The following CSMD1 variants were observed in gnomAD, a reference collection of about 807,000 sequenced individuals.
CSMD1 encodes the protein CUB and Sushi multiple domains 1.
A neutral mutation model predicts 417.5 loss-of-function variants in CSMD1; 213 were observed. That is an observed-to-expected ratio of 0.51 (90% confidence interval 0.46 to 0.57). CSMD1 has a LOEUF of 0.57. Among genes scored for constraint, CSMD1 ranks in the 20% least tolerant of loss-of-function variants. CSMD1 has a pLI of 0.00. For synonymous variants in CSMD1, 2,862 were observed against 1,736.8 expected (o/e 1.65, Z -16.11); for missense variants, 6,923 against 4,529.7 (o/e 1.53, Z -15.17).
In CSMD1 at chr8:4,236,039, G is replaced by GTT. The variant is rs869245155; in HGVS notation, c.415+183912_415+183913dup. Reference sequence around the variant, plus strand: ...TTAATGGATATTGTTTTTTTTGTTTGTTTTTTTTTTTTTTTTTTTTTTTTT... The same window carrying GTT: ...TTAATGGATATTGTTTTTTTTGTTTGTTTTTTTTTTTTTTTTTTTTTTTTTTT... On this transcript the variant is annotated intron_variant, in intron 3 of 69. Transcript: ENST00000635120. Among the ~76,000 whole-genome samples the GTT allele has an allele frequency of 1.9e-3, 59 of 31,636 alleles. 1 individual carries two copies. The highest frequency in any genetic ancestry group is 3.6e-3 in the African/African-American group (52 of 14,500). The allele number at this position is 31,636 out of a possible 152,430, so 20.8% of individuals were successfully genotyped here. A position where few individuals can be genotyped will look rare whatever the true frequency, so the allele number is the denominator to read the frequency against.
intron 5 of CSMD1, among the ~76,000 whole-genome samples, chr8:3,835,320 A>G (rs1344452273): frequency 3.9e-5 from 6 of 152,138 alleles, no homozygotes; most frequent in South Asian, 4.1e-4. Context: ...AACCATCCCA[A>G]ATGTCCAACA....
At chr8:4,457,516 C>A (rs186981293) in intron 2 of CSMD1, among the ~76,000 whole-genome samples, 3 of 152,122 alleles carry the variant, frequency 2.0e-5, no homozygotes, top group Non-Finnish European at 2.9e-5. Context: ...TCTGGACATA[C>A]CCATGTAATT....
chr8:3,448,382 A>AAG (rs565979166), intron 12 of CSMD1, among the ~76,000 whole-genome samples: 10 of 33,634 alleles, frequency 3.0e-4, no homozygotes, highest in African/African-American at 3.8e-4. Context: ...AGGGAGGGGG[A>AAG]GGAGGGAGGA....
rs142250558 is a variant in CSMD1 at position 4,547,971 on chromosome 8, A to C, written c.302+89371T>G. Among the ~76,000 whole-genome samples, 209 of 152,318 alleles carry C rather than the reference A, an allele frequency of 1.4e-3. 1 individual carries two copies. Among genetic ancestry groups the C allele is most frequent in the African/African-American group, 4.7e-3 (194 of 41,572 alleles). The stretch of plus-strand genomic sequence containing the variant: ...AAACAAAAGAAGGGTAATTACATTT[A>C]TTGAGCAAATGTAGGCCAGGCACTC... On this transcript the variant is annotated intron_variant, in intron 2 of 69. Transcript: ENST00000635120.
At chr8:3,643,944 T>G (rs1797443276) in intron 7 of CSMD1, among the ~76,000 whole-genome samples, 1 of 152,192 alleles carries the variant, frequency 6.6e-6, no homozygotes, top group African/African-American at 2.4e-5. Flanking sequence ...TTTAGTTGGA[T>G]GAAATGTGGT....
At chr8:3,516,653 T>C in intron 10 of CSMD1, among the ~76,000 whole-genome samples, 1 of 152,302 alleles carries the variant, frequency 6.6e-6, no homozygotes, top group East Asian at 1.9e-4. Context: ...TATTGTGTTT[T>C]TCTATAATGT....
chr8:4,783,296 A>C (rs1161798169), intron 1 of CSMD1, among the ~76,000 whole-genome samples: 1 of 152,166 alleles, frequency 6.6e-6, no homozygotes, highest in Non-Finnish European at 1.5e-5. Flanking sequence ...AAACCACACA[A>C]GGTAAAACTG....
chr8:4,592,652 G>C (rs967635845), intron 2 of CSMD1, among the ~76,000 whole-genome samples: 5 of 152,140 alleles, frequency 3.3e-5, no homozygotes, highest in African/African-American at 1.2e-4. Flanking sequence ...CTCCCAAAGT[G>C]CTAGGATTAC....
At chr8:4,475,502 G>A (rs1800751297) in intron 2 of CSMD1, among the ~76,000 whole-genome samples, 1 of 152,084 alleles carries the variant, frequency 6.6e-6, no homozygotes, top group African/African-American at 2.4e-5. Flanking sequence ...GTGTTTTTTA[G>A]AGAAAAACAT....
chr8:4,192,925 G>T (rs140005168), intron 3 of CSMD1, among the ~76,000 whole-genome samples: 165 of 152,252 alleles, frequency 1.1e-3, no homozygotes, highest in African/African-American at 3.5e-3. Context: ...CTTTACCTAA[G>T]AGTATTTTCT....
At chr8:4,829,003 AATT>A (rs919249056) in intron 1 of CSMD1, among the ~76,000 whole-genome samples, 9 of 152,282 alleles carry the variant, frequency 5.9e-5, no homozygotes, top group South Asian at 2.1e-4. Flanking sequence ...AAACTGCACT[AATT>A]ATTATTATTA....
intron 1 of CSMD1, among the ~76,000 whole-genome samples, chr8:4,886,116 G>A (rs1167879202): frequency 6.6e-6 from 1 of 152,018 alleles, no homozygotes; most frequent in African/African-American, 2.4e-5. Flanking sequence ...TCAGCCTCCT[G>A]AGTAGCTGAG....
intron 7 of CSMD1, among the ~76,000 whole-genome samples, chr8:3,682,615 A>G (rs1285297343): frequency 6.6e-6 from 1 of 152,234 alleles, no homozygotes; most frequent in Non-Finnish European, 1.5e-5. Flanking sequence ...TAGTTCAACC[A>G]TTGTGGAAGA....
chr8:3,575,077 A>T lies in CSMD1; in HGVS notation c.1223-11T>A, dbSNP rs951638195. ...ATCCACATGTTCTCGCTGGAAACAC[A>T]TAGAAACGACGTTATTTTCTACAAC... On this transcript the variant is annotated splice_polypyrimidine_tract_variant and intron_variant, in intron 9 of 69. Transcript: ENST00000635120. 1 of 1,611,992 alleles carries T rather than the reference A, an allele frequency of 6.2e-7. No individual in the cohort carries two copies. The highest frequency in any genetic ancestry group is 1.3e-5 in the African/African-American group (1 of 74,824).
chr8:4,645,597 G>C (rs971048869), intron 1 of CSMD1, among the ~76,000 whole-genome samples: 1 of 152,082 alleles, frequency 6.6e-6, no homozygotes, highest in Non-Finnish European at 1.5e-5. Flanking sequence ...GGGATGACGA[G>C]GCTGCCCATT....
At chr8:4,371,350 C>T (rs778671850) in intron 3 of CSMD1, among the ~76,000 whole-genome samples, 1 of 151,974 alleles carries the variant, frequency 6.6e-6, no homozygotes, top group Non-Finnish European at 1.5e-5. Context: ...GTTTTAAATG[C>T]AGGGTTTTGA....
chr8:3,072,539 C>T (rs977364932), intron 49 of CSMD1, among the ~76,000 whole-genome samples: 1 of 152,148 alleles, frequency 6.6e-6, no homozygotes, highest in Non-Finnish European at 1.5e-5. Context: ...CTTGGAAGAG[C>T]ACAGTTCTTG....
At chr8:4,802,419 G>C (rs1028462822) in intron 1 of CSMD1, among the ~76,000 whole-genome samples, 2 of 151,676 alleles carry the variant, frequency 1.3e-5, no homozygotes, top group Non-Finnish European at 1.5e-5. Flanking sequence ...CTTAACTTTG[G>C]GAATTAACCT....
At chr8:4,633,123 G>C (rs1438074386) in intron 2 of CSMD1, among the ~76,000 whole-genome samples, 1 of 152,162 alleles carries the variant, frequency 6.6e-6, no homozygotes, top group African/African-American at 2.4e-5. Flanking sequence ...GGAAAGGATC[G>C]TGCATTGGTC....
Sources: gnomAD v4.1 joint callset for allele counts (sites outside exome capture counted in the v4.1 genomes callset) on GRCh38, gnomAD v4.1.1 for gene constraint, MANE v1.5 for transcripts, NCBI Gene and HGNC (gene_info 2026-07-23, HGNC 2026-07-21) for gene names.